Variants in DIPK2B observed in about 807,000 individuals in gnomAD.
DIPK2B encodes the protein UPF0672 protein CXorf36.
Under a neutral mutation model 22.2 loss-of-function variants are expected in DIPK2B, and 15 were observed. The ratio of observed to expected loss-of-function variants is 0.68; its 90% CI spans 0.45 to 1.04. DIPK2B has a LOEUF of 1.04. DIPK2B is among the 50% of genes least tolerant of loss of function. The probability of loss-of-function intolerance (pLI) is 0.00; values close to 1 mark genes in which losing one functional copy is unlikely to be tolerated. For missense variants in DIPK2B, 345 were observed against 348.3 expected (o/e 0.99, Z 0.08); for synonymous variants, 163 against 153.2 (o/e 1.06, Z -0.47).
In DIPK2B at chrX:45,151,812, T is replaced by C. The variant is rs2046963106; in HGVS notation, c.1142A>G (p.Asp381Gly). ...ACACTGAACAAGGATGGAGTCTATG[T>C]CGTCTTGCACTGGGGAGGGGAACCT... ...QGRFPSPVQD[D>G]IDSILVQCGD... Residue 381 changes from aspartate to glycine, a missense_variant, in exon 5 of 5, where the codon GAC becomes GGC. Physicochemically the swap from Asp to Gly is moderately conservative, Grantham distance 94. Transcript: ENST00000398000. 8.3e-7 allele frequency: 1 copy of C among 1,210,491 alleles called. No homozygotes were observed. Among genetic ancestry groups the C allele is most frequent in the African/African-American group, 1.7e-5 (1 of 57,342 alleles).
At chrX:45,196,435 C>T (rs1207969324) in intron 1 of DIPK2B, among the ~76,000 whole-genome samples, 2 of 111,601 alleles carry the variant, frequency 1.8e-5, no homozygotes, top group Non-Finnish European at 3.8e-5. Flanking sequence ...TAATTATTGT[C>T]AACTTCTGAG....
intron 2 of DIPK2B, among the ~76,000 whole-genome samples, chrX:45,169,837 G>C (rs1032855790): frequency 8.9e-6 from 1 of 112,009 alleles, no homozygotes; most frequent in African/African-American, 3.3e-5. Context: ...ATCATTTCAG[G>C]CAGAAGGGTT....
In DIPK2B at chrX:45,191,843, G is replaced by A. The variant is rs1240519600; in HGVS notation, c.406C>T (p.Pro136Ser). The change falls in exon 2 of 5, where the codon CCA (proline) becomes TCA (serine). Residue 136 changes from proline (P) to serine (S), a missense_variant. Physicochemically the swap from Pro to Ser is moderately conservative, Grantham distance 74. Transcript: ENST00000398000. Reference sequence around the variant, plus strand: ...ACACGCTCAATGCTGCAGGTCTTTGGGGCTGATGCAGAGGCACAGATTCTC... The same window carrying A: ...ACACGCTCAATGCTGCAGGTCTTTGAGGCTGATGCAGAGGCACAGATTCTC... ...DRRICASASA[P>S]KTCSIERVLR... The A allele has an allele frequency of 8.3e-7, 1 of 1,210,544 alleles. No individual in the cohort carries two copies. Among genetic ancestry groups the A allele is most frequent in the African/African-American group, 1.7e-5 (1 of 57,294 alleles).
Position 45,192,070 on chromosome X carries a change from C to T in DIPK2B, c.234-55G>A, listed in dbSNP as rs748473386. On this transcript the variant is annotated intron_variant, in intron 1 of 4. Coordinates refer to ENST00000398000, the MANE Select transcript of DIPK2B (RefSeq NM_176819.4). ...GCCTGTGAGCTGGAGGCTCACAGAG[C>T]CCAGGGACAGGAAGACAGGGGACAA... 6 of 1,103,462 alleles carry T rather than the reference C, an allele frequency of 5.4e-6. No individual in the cohort carries two copies. In the South Asian group the frequency reaches 1.3e-4, roughly 23 times the overall value. The allele number at this position is 1,103,462 out of a possible 1,213,427, so 90.9% of individuals were successfully genotyped here. A position where few individuals can be genotyped will look rare whatever the true frequency, so the allele number is the denominator to read the frequency against.
intron 2 of DIPK2B, among the ~76,000 whole-genome samples, chrX:45,185,497 G>A (rs902520467): frequency 1.4e-4 from 16 of 110,571 alleles, no homozygotes; most frequent in African/African-American, 5.3e-4. Context: ...GGGGCGGCCT[G>A]TATTCTGTAT....
rs540339652 is a variant in DIPK2B at position 45,182,771 on chromosome X, G to T, written c.498+8980C>A. On this transcript the variant is annotated intron_variant, in intron 2 of 4. Transcript: ENST00000398000. ...ATGATGTGTTGTGTACATATTGTAC[G>T]ATTCCATTTAAATGAAGTTCAAAAA... Among the ~76,000 whole-genome samples, 13 of 113,007 alleles carry T rather than the reference G, an allele frequency of 1.2e-4. No individual in the cohort carries two copies. The South Asian group carries it at 4.3e-3, about 38-fold the overall frequency.
intron 1 of DIPK2B, among the ~76,000 whole-genome samples, chrX:45,196,497 G>C (rs181336179): frequency 2.2e-4 from 25 of 111,625 alleles, no homozygotes; most frequent in Admixed American, 1.4e-3. Context: ...AATCAGGCCT[G>C]ACGATTTAGT....
At chrX:45,169,177 A>C in intron 2 of DIPK2B, among the ~76,000 whole-genome samples, 1 of 111,846 alleles carries the variant, frequency 8.9e-6, no homozygotes, top group East Asian at 2.8e-4. Flanking sequence ...AAACCTAAAA[A>C]GATGGTTATC....
intron 4 of DIPK2B, among the ~76,000 whole-genome samples, chrX:45,152,297 G>T (rs1224188203): frequency 9.0e-6 from 1 of 110,734 alleles, no homozygotes; most frequent in Non-Finnish European, 1.9e-5. Flanking sequence ...GGCGGAGGTT[G>T]CAGGGAGCCA....
chrX:45,155,613 T>G (rs905861659), intron 3 of DIPK2B, among the ~76,000 whole-genome samples: 2 of 108,597 alleles, frequency 1.8e-5, no homozygotes, highest in Non-Finnish European at 3.8e-5. Context: ...GCTATATACA[T>G]CGTACAGATG....
chrX:45,168,829 A>G (rs1037755452), intron 2 of DIPK2B, among the ~76,000 whole-genome samples: 2 of 111,470 alleles, frequency 1.8e-5, no homozygotes, highest in Non-Finnish European at 3.8e-5. Context: ...GACAGCCTTC[A>G]CCCCAAACTT....
rs1425572937 is a variant in DIPK2B, at chrX:45,153,896, C to T, written c.961+14G>A. 5.0e-6 allele frequency: 6 copies of T among 1,198,128 alleles called. No homozygotes were observed. Among genetic ancestry groups the T allele is most frequent in the Non-Finnish European group, 6.8e-6 (6 of 887,237 alleles). ...TCCCTCTGACAGCTGCTCAGCCAGG[C>T]CCATGCTGAGTACCTTCCTGCTTGT... On this transcript the variant is annotated intron_variant, in intron 4 of 4. Transcript: ENST00000398000.
At chrX:45,170,126 C>T (rs1277651515) in intron 2 of DIPK2B, among the ~76,000 whole-genome samples, 1 of 109,515 alleles carries the variant, frequency 9.1e-6, no homozygotes. Context: ...CGCCTGTAAT[C>T]CTAGCTACTC....
intron 1 of DIPK2B, among the ~76,000 whole-genome samples, chrX:45,197,389 C>T (rs1047780689): frequency 3.6e-5 from 4 of 111,425 alleles, no homozygotes; most frequent in Non-Finnish European, 7.5e-5. Context: ...AGGCGTGCGC[C>T]GCCATGTCCG....
chrX:45,200,574 TA>T lies in DIPK2B; in HGVS notation c.233+19del. ...GGAACAGAATTTTGTGATTCAGAGT[TA>T]TTTGATTGATATTCTGACCTTATTT... On this transcript the variant is annotated intron_variant, in intron 1 of 4. Transcript: ENST00000398000. 2.6e-6 allele frequency: 3 copies of T among 1,175,691 alleles called. No individual in the cohort carries two copies. The South Asian group carries it at 5.4e-5, about 21-fold the overall frequency.
chrX:45,160,014 G>A (rs2047014362), intron 2 of DIPK2B, among the ~76,000 whole-genome samples: 1 of 109,990 alleles, frequency 9.1e-6, no homozygotes, highest in South Asian at 3.9e-4. Context: ...CCTGGTGGGA[G>A]GTGATTGGAT....
intron 1 of DIPK2B, among the ~76,000 whole-genome samples, chrX:45,196,199 T>C (rs957756158): frequency 2.7e-5 from 3 of 110,157 alleles, no homozygotes; most frequent in Non-Finnish European, 5.7e-5. Flanking sequence ...GATAAGGGAG[T>C]AGAGAGATGC....
intron 2 of DIPK2B, among the ~76,000 whole-genome samples, chrX:45,186,104 C>T (rs1044847428): frequency 1.8e-5 from 2 of 112,133 alleles, no homozygotes; most frequent in African/African-American, 6.5e-5. Flanking sequence ...TTCCAAGTAA[C>T]CTCTTTGCCA....
rs755963173 is a variant in DIPK2B at position 45,200,642 on chromosome X, G to T, written c.185C>A (p.Ala62Asp). Residue 62 changes from alanine to aspartate, a missense_variant, in exon 1 of 5, where the codon GCC becomes GAC. Physicochemically the swap from Ala to Asp is moderately radical, Grantham distance 126. Coordinates refer to ENST00000398000, the MANE Select transcript of DIPK2B (RefSeq NM_176819.4). ...RTFLGLDKCN[A>D]CIGTSICKKF... ...CTTGCAAATAGATGTCCCGATGCAGGCATTGCATTTATCAAGACCGAGGAA... is the reference window on the plus strand; with the variant it reads ...CTTGCAAATAGATGTCCCGATGCAGTCATTGCATTTATCAAGACCGAGGAA... The T allele has an allele frequency of 3.9e-5, 47 of 1,211,122 alleles. No homozygotes were observed. In the South Asian group the frequency reaches 8.1e-4, roughly 21 times the overall value.
Sources: gnomAD v4.1 joint callset for allele counts (sites outside exome capture counted in the v4.1 genomes callset) on GRCh38, gnomAD v4.1.1 for gene constraint, MANE v1.5 for transcripts, NCBI Gene and HGNC (gene_info 2026-07-23, HGNC 2026-07-21) for gene names.